Variants in UBXN2B observed in about 807,000 individuals in gnomAD.
UBXN2B encodes the protein UBX domain protein 2B, also known as UBX domain-containing protein 2B.
UBXN2B carries 19 observed loss-of-function variants against 37.5 expected under a neutral mutation model. The ratio of observed to expected loss-of-function variants is 0.51; its 90% CI spans 0.35 to 0.74. The LOEUF (loss-of-function observed/expected upper bound fraction) is 0.74, where lower values mean the gene tolerates loss of function less well. Ranked by LOEUF, UBXN2B falls within the 30% of genes least tolerant of loss-of-function variation. The probability of loss-of-function intolerance (pLI) is 0.01; values close to 1 mark genes in which losing one functional copy is unlikely to be tolerated. For missense variants in UBXN2B, 370 were observed against 393.2 expected (o/e 0.94, Z 0.50); for synonymous variants, 145 against 143.8 (o/e 1.01, Z -0.06).
intron 1 of UBXN2B, among the ~76,000 whole-genome samples, chr8:58,416,622 A>C (rs1446535502): frequency 6.6e-6 from 1 of 152,236 alleles, no homozygotes; most frequent in Non-Finnish European, 1.5e-5. Flanking sequence ...AAAATAATCA[A>C]GTAATTATTA....
chr8:58,445,970 T>C lies in UBXN2B; in HGVS notation c.735T>C (p.Asn245=). ...AAGAGGAGGATAAATCAATACTTAA[T>C]GCAGTTGTTCTTATTGATGATTCAG... The part of the protein sequence containing the change: ...SPEEEDKSIL[N]AVVLIDDSVP... The change falls in exon 7 of 8, where the codon AAT becomes AAC. Residue 245 remains asparagine, a synonymous_variant. Coordinates refer to ENST00000399598, the MANE Select transcript of UBXN2B (RefSeq NM_001077619.2). 4 of 1,613,324 alleles carry C rather than the reference T, an allele frequency of 2.5e-6. No individual in the cohort carries two copies. The highest frequency in any genetic ancestry group is 1.1e-5 in the South Asian group (1 of 91,008).
At chr8:58,433,795 AAAG>A (rs1377978179) in intron 4 of UBXN2B, among the ~76,000 whole-genome samples, 2 of 152,102 alleles carry the variant, frequency 1.3e-5, no homozygotes, top group Admixed American at 6.5e-5. Context: ...TCAATTAAAA[AAAG>A]AAAAATGAAC....
Position 58,447,506 on chromosome 8 carries a change from A to G in UBXN2B, c.951A>G (p.Leu317=). 2 of 1,613,330 alleles carry G rather than the reference A, an allele frequency of 1.2e-6. No individual in the cohort carries two copies. Among genetic ancestry groups the G allele is most frequent in the African/African-American group, 1.3e-5 (1 of 75,060 alleles). Residue 317 remains leucine, a synonymous_variant, in exon 8 of 8, where the codon CTA becomes CTG. Coordinates refer to ENST00000399598, the MANE Select transcript of UBXN2B (RefSeq NM_001077619.2). ...KELTDESLTL[L]EADILNTVLL... ...TAACAGATGAAAGCCTGACACTGCT[A>G]GAAGCAGATATTCTTAACACTGTGT...
intron 3 of UBXN2B, among the ~76,000 whole-genome samples, chr8:58,431,429 G>A (rs1056317080): frequency 6.6e-6 from 1 of 152,138 alleles, no homozygotes; most frequent in African/African-American, 2.4e-5. Context: ...TAATTCCCGA[G>A]TAGCATTTTA....
chr8:58,447,631 C>T lies in UBXN2B; in HGVS notation c.*80C>T. Reference sequence around the variant, plus strand: ...AAGGACAATACTTCAGCATTAAAAACAGCCAAATTATTTTTATTATTTTTA... The same window carrying T: ...AAGGACAATACTTCAGCATTAAAAATAGCCAAATTATTTTTATTATTTTTA... On this transcript the variant is annotated 3_prime_UTR_variant, in exon 8 of 8. Coordinates refer to ENST00000399598, the MANE Select transcript of UBXN2B (RefSeq NM_001077619.2). The T allele has an allele frequency of 7.8e-7, 1 of 1,288,514 alleles. No individual in the cohort carries two copies. Among genetic ancestry groups the T allele is most frequent in the Non-Finnish European group, 1.0e-6 (1 of 979,018 alleles). 79.8% of individuals were successfully genotyped at this position (1,288,514 alleles called of 1,614,324 possible).
At position 58,448,346 on chromosome 8, in the gene UBXN2B, G is replaced by C. The variant is rs535820336; in HGVS notation, c.*795G>C. ...GCGCCACCATGCCTGGCTAATTTTTGTACTTTTGCTAGAGACAGCGTTTCT... is the reference window on the plus strand; with the variant it reads ...GCGCCACCATGCCTGGCTAATTTTTCTACTTTTGCTAGAGACAGCGTTTCT... On this transcript the variant is annotated 3_prime_UTR_variant, in exon 8 of 8. Transcript: ENST00000399598. The C allele has an allele frequency of 1.3e-5, 2 of 151,880 alleles. No homozygotes were observed. Among genetic ancestry groups the C allele is most frequent in the Non-Finnish European group, 2.9e-5 (2 of 67,932 alleles). The allele number at this position is 151,880 out of a possible 1,614,324, so 9.4% of individuals were successfully genotyped here.
At chr8:58,426,073 A>C in intron 2 of UBXN2B, 2 of 1,387,326 alleles carry the variant, frequency 1.4e-6, no homozygotes, top group South Asian at 2.3e-5. Flanking sequence ...GAGGATATTT[A>C]AGCTCAATAA....
chr8:58,412,236 A>G (rs777681256), intron 1 of UBXN2B, among the ~76,000 whole-genome samples: 3 of 152,224 alleles, frequency 2.0e-5, no homozygotes, highest in Non-Finnish European at 2.9e-5. Flanking sequence ...GTTTTACTGT[A>G]TTACTTTACA....
intron 2 of UBXN2B, among the ~76,000 whole-genome samples, chr8:58,427,452 T>C (rs756869190): frequency 2.0e-5 from 3 of 152,162 alleles, no homozygotes; most frequent in Non-Finnish European, 4.4e-5. Flanking sequence ...AGTAGAGCCA[T>C]ATGTTGTCTC....
At chr8:58,428,990 AAATTAAAACAAATTT>A (rs1808178264) in intron 2 of UBXN2B, among the ~76,000 whole-genome samples, 1 of 152,242 alleles carries the variant, frequency 6.6e-6, no homozygotes, top group South Asian at 2.1e-4. Context: ...CTAAATATAG[AAATTAAAACAAATTT>A]CTGGAAGAAA....
At chr8:58,426,525 A>T in intron 2 of UBXN2B, 1 of 735,230 alleles carries the variant, frequency 1.4e-6, no homozygotes, top group South Asian at 1.3e-5. Flanking sequence ...CTGAATCTTG[A>T]TGTGGGTGAC....
intron 1 of UBXN2B, 42 bp downstream of exon 1, chr8:58,411,511 G>C: frequency 8.0e-7 from 1 of 1,242,380 alleles, no homozygotes; most frequent in Non-Finnish European, 1.0e-6. Flanking sequence ...CGGTGGACGC[G>C]GGCTGGTGAC....
At chr8:58,419,963 G>A (rs563317939) in intron 2 of UBXN2B, among the ~76,000 whole-genome samples, 2 of 152,192 alleles carry the variant, frequency 1.3e-5, no homozygotes, top group African/African-American at 4.8e-5. Flanking sequence ...AAGGGGACTC[G>A]ATTTTCACTT....
At chr8:58,443,083 C>T (rs1808588387) in intron 6 of UBXN2B, among the ~76,000 whole-genome samples, 1 of 152,234 alleles carries the variant, frequency 6.6e-6, no homozygotes, top group Non-Finnish European at 1.5e-5. Flanking sequence ...GCTGAGCAGG[C>T]AGTGCTGTGC....
At position 58,447,484 on chromosome 8, in the gene UBXN2B, C is replaced by T; in HGVS notation, c.929C>T (p.Thr310Ile). ...LVTSFPNKEL[T>I]DESLTLLEAD... Reference sequence around the variant, plus strand: ...ACTTCATTTCCGAATAAAGAGCTAACAGATGAAAGCCTGACACTGCTAGAA... The same window carrying T: ...ACTTCATTTCCGAATAAAGAGCTAATAGATGAAAGCCTGACACTGCTAGAA... The change falls in exon 8 of 8, where the codon ACA (threonine) becomes ATA (isoleucine). Residue 310 changes from threonine to isoleucine, a missense_variant. By Grantham distance (89) the Thr-to-Ile change is moderately conservative. Coordinates refer to ENST00000399598, the MANE Select transcript of UBXN2B (RefSeq NM_001077619.2). The T allele has an allele frequency of 6.2e-7, 1 of 1,613,474 alleles. No homozygotes were observed. Among genetic ancestry groups the T allele is most frequent in the Non-Finnish European group, 8.5e-7 (1 of 1,179,620 alleles).
chr8:58,447,260 A>G, intron 7 of UBXN2B, 129 bp from the exon 8 acceptor site: 2 of 799,646 alleles, frequency 2.5e-6, no homozygotes, highest in Non-Finnish European at 3.8e-6. Context: ...GAAATACTAT[A>G]TATTAAAGAA....
intron 4 of UBXN2B, 25 bp from the exon 5 acceptor site, chr8:58,434,367 ATAT>A (rs375370415): frequency 0.18 from 78,976 of 436,334 alleles, 2,899 homozygotes; most frequent in African/African-American, 0.26. Context: ...ATATATATAT[ATAT>A]TTTTTTTTTT....
Position 58,447,525 on chromosome 8 carries a change from A to G in UBXN2B, c.970A>G (p.Thr324Ala), listed in dbSNP as rs1808709482. 4 of 1,611,732 alleles carry G rather than the reference A, an allele frequency of 2.5e-6. No homozygotes were observed. Among genetic ancestry groups the G allele is most frequent in the Non-Finnish European group, 3.4e-6 (4 of 1,178,650 alleles). Reference protein sequence around the residue: ...LTLLEADILNTVLLQQLK With the variant: ...LTLLEADILNAVLLQQLK ...ACTGCTAGAAGCAGATATTCTTAAC[A>G]CTGTGTTACTCCAGCAACTAAAATA... Residue 324 changes from threonine (T) to alanine (A), a missense_variant, in exon 8 of 8, where the codon ACT (threonine) becomes GCT (alanine). By Grantham distance (58) the Thr-to-Ala change is moderately conservative. Transcript: ENST00000399598.
chr8:58,416,050 G>GT (rs930265446), intron 1 of UBXN2B, among the ~76,000 whole-genome samples: 4 of 141,920 alleles, frequency 2.8e-5, no homozygotes, highest in South Asian at 2.2e-4. Flanking sequence ...TGTTTTTTGG[G>GT]TTTTTTTTGA....
Sources: gnomAD v4.1 joint callset for allele counts (sites outside exome capture counted in the v4.1 genomes callset) on GRCh38, gnomAD v4.1.1 for gene constraint, MANE v1.5 for transcripts, NCBI Gene and HGNC (gene_info 2026-07-23, HGNC 2026-07-21) for gene names.